The following STEAP3 variants were observed in gnomAD, a reference collection of about 807,000 sequenced individuals.
The protein encoded by STEAP3 is metalloreductase STEAP3.
In STEAP3, 35 loss-of-function variants were observed where a neutral mutation model predicts 34.9. The ratio of observed to expected loss-of-function variants is 1.00; its 90% CI spans 0.76 to 1.33. The LOEUF is 1.33. Ranked by LOEUF, STEAP3 falls within the 40% of genes most tolerant of loss-of-function variation. The pLI is 0.00. For synonymous variants in STEAP3, 281 were observed against 301.6 expected (o/e 0.93, Z 0.71); for missense variants, 652 against 667.6 (o/e 0.98, Z 0.26).
At chr2:119,257,333 G>A (rs1677802337) in intron 5 of STEAP3, 1 of 1,251,002 alleles carries the variant, frequency 8.0e-7, no homozygotes, top group African/African-American at 1.6e-5. Context: ...TGAAGCCAGA[G>A]CCCTCTTGGA....
intron 5 of STEAP3, among the ~76,000 whole-genome samples, chr2:119,261,148 G>A (rs1677929320): frequency 6.6e-6 from 1 of 151,518 alleles, no homozygotes; most frequent in Non-Finnish European, 1.5e-5. Flanking sequence ...AGGAAATGAA[G>A]GGACACACAC....
chr2:119,257,474 T>G, intron 5 of STEAP3: 1 of 1,535,892 alleles, frequency 6.5e-7, no homozygotes. Flanking sequence ...CAACTTCCAG[T>G]GCAGGAAACA....
chr2:119,263,277 G>A lies in STEAP3; in HGVS notation c.1436G>A (p.Ser479Asn). ...ARIRRGWERE[S>N]TIKFTLPTDH... ...ATCCGGAGAGGCTGGGAGAGGGAGA[G>A]CACCATCAAGTTCACGCTGCCCACA... Residue 479 changes from serine (S) to asparagine (N), a missense_variant, in exon 6 of 6, where the codon AGC becomes AAC. Transcript: ENST00000393110. 1.2e-6 allele frequency: 2 copies of A among 1,614,008 alleles called. No homozygotes were observed. The highest frequency in any genetic ancestry group is 1.7e-6 in the Non-Finnish European group (2 of 1,180,014).
chr2:119,231,714 T>C (rs1007902290), intron 2 of STEAP3, among the ~76,000 whole-genome samples: 1 of 152,190 alleles, frequency 6.6e-6, no homozygotes, highest in African/African-American at 2.4e-5. Flanking sequence ...TCAGCCTTCC[T>C]TTTAAAAAGA....
intron 2 of STEAP3, among the ~76,000 whole-genome samples, chr2:119,235,953 C>T (rs1677083788): frequency 6.6e-6 from 1 of 152,188 alleles, no homozygotes; most frequent in Non-Finnish European, 1.5e-5. Flanking sequence ...AGCAGGTCCT[C>T]CTACTCTTCC....
chr2:119,253,438 T>G (rs1302969169), intron 4 of STEAP3, among the ~76,000 whole-genome samples: 1 of 152,188 alleles, frequency 6.6e-6, no homozygotes, highest in Admixed American at 6.5e-5. Context: ...TGGATTCACT[T>G]TTAATATTTT....
rs1678087723 is a variant in STEAP3 at position 119,265,599 on chromosome 2, T to C, written c.*2261T>C. On this transcript the variant is annotated 3_prime_UTR_variant, in exon 6 of 6. Coordinates refer to ENST00000393110, the MANE Select transcript of STEAP3 (RefSeq NM_182915.3). ...CAAAAGAGTCTCTGTTTTTTTTTTTTAACCTGGTAGACAGTATAAAAGCAG... is the reference window on the plus strand; with the variant it reads ...CAAAAGAGTCTCTGTTTTTTTTTTTCAACCTGGTAGACAGTATAAAAGCAG... 6.6e-6 allele frequency: 1 copy of C among 152,118 alleles called. No individual in the cohort carries two copies. Among genetic ancestry groups the C allele is most frequent in the Admixed American group, 6.5e-5 (1 of 15,268 alleles). The allele number at this position is 152,118 out of a possible 1,614,324, so 9.4% of individuals were successfully genotyped here.
In STEAP3 at chr2:119,254,664, T is replaced by C. The variant is rs199641715; in HGVS notation, c.1051-20T>C. ...CAGCCTTTGCCACAGTGTTCATGGT[T>C]TTCCTTCCATCCATGTCAGGTCTTG... On this transcript the variant is annotated intron_variant, in intron 4 of 5. Coordinates refer to ENST00000393110, the MANE Select transcript of STEAP3 (RefSeq NM_182915.3). The C allele has an allele frequency of 2.2e-4, 351 of 1,613,948 alleles. No individual in the cohort carries two copies. In the African/African-American group the frequency reaches 4.1e-3, roughly 19 times the overall value.
intron 2 of STEAP3, among the ~76,000 whole-genome samples, chr2:119,235,145 G>A (rs1458864253): frequency 6.6e-6 from 1 of 152,188 alleles, no homozygotes; most frequent in Non-Finnish European, 1.5e-5. Context: ...CCTGCAGTGG[G>A]CCTAATGACC....
At position 119,230,759 on chromosome 2, in the gene STEAP3, G is replaced by A; in HGVS notation, c.-254G>A. 3.4e-6 allele frequency: 2 copies of A among 585,338 alleles called. No homozygotes were observed. Among genetic ancestry groups the A allele is most frequent in the Non-Finnish European group, 6.2e-6 (2 of 324,808 alleles). 36.3% of individuals were successfully genotyped at this position (585,338 alleles called of 1,614,324 possible). A position where few individuals can be genotyped will look rare whatever the true frequency, so the allele number is the denominator to read the frequency against. On this transcript the variant is annotated 5_prime_UTR_variant, in exon 2 of 6. Coordinates refer to ENST00000393110, the MANE Select transcript of STEAP3 (RefSeq NM_182915.3). ...GAGCAGGAAGCAGCAGGCCAGAGCT[G>A]CGCTCTCTCAGTGCACTCTCCAACC...
At position 119,264,639 on chromosome 2, in the gene STEAP3, C is replaced by A. The variant is rs183139903; in HGVS notation, c.*1301C>A. On this transcript the variant is annotated 3_prime_UTR_variant, in exon 6 of 6. Coordinates refer to ENST00000393110, the MANE Select transcript of STEAP3 (RefSeq NM_182915.3). ...AGGTGTTCTCGGCTGAGCCCCCAAC[C>A]CTCTGCAGAACCAGGTTGATCTGCC... 1 of 152,262 alleles carries A rather than the reference C, an allele frequency of 6.6e-6. No homozygotes were observed. The highest frequency in any genetic ancestry group is 1.5e-5 in the Non-Finnish European group (1 of 68,128). 9.4% of individuals were successfully genotyped at this position (152,262 alleles called of 1,614,324 possible).
At chr2:119,237,780 A>G (rs1677133363) in intron 2 of STEAP3, among the ~76,000 whole-genome samples, 1 of 152,144 alleles carries the variant, frequency 6.6e-6, no homozygotes, top group South Asian at 2.1e-4. Flanking sequence ...TCACCACGCA[A>G]TTCACCCATT....
chr2:119,235,309 A>C (rs1370040834), intron 2 of STEAP3, among the ~76,000 whole-genome samples: 3 of 152,222 alleles, frequency 2.0e-5, no homozygotes, highest in African/African-American at 7.2e-5. Flanking sequence ...GTGACCCTCA[A>C]GATCTAGAGG....
intron 5 of STEAP3, among the ~76,000 whole-genome samples, chr2:119,262,216 A>C (rs909083781): frequency 6.6e-6 from 1 of 152,060 alleles, no homozygotes; most frequent in Admixed American, 6.6e-5. Context: ...AAATCAATCC[A>C]CTTTTTGTCT....
At position 119,265,571 on chromosome 2, in the gene STEAP3, C is replaced by G. The variant is rs1678086464; in HGVS notation, c.*2233C>G. On this transcript the variant is annotated 3_prime_UTR_variant, in exon 6 of 6. Coordinates refer to ENST00000393110, the MANE Select transcript of STEAP3 (RefSeq NM_182915.3). Reference sequence around the variant, plus strand: ...TGAGGTTGATATCTAAAATCTATGCCTTCAAAAGAGTCTCTGTTTTTTTTT... The same window carrying G: ...TGAGGTTGATATCTAAAATCTATGCGTTCAAAAGAGTCTCTGTTTTTTTTT... 6.6e-6 allele frequency: 1 copy of G among 152,262 alleles called. No individual in the cohort carries two copies. The highest frequency in any genetic ancestry group is 6.5e-5 in the Admixed American group (1 of 15,294). 9.4% of individuals were successfully genotyped at this position (152,262 alleles called of 1,614,324 possible).
At chr2:119,262,222 T>G (rs772135471) in intron 5 of STEAP3, among the ~76,000 whole-genome samples, 1 of 152,184 alleles carries the variant, frequency 6.6e-6, no homozygotes, top group Non-Finnish European at 1.5e-5. Flanking sequence ...ATCCACTTTT[T>G]GTCTGATCTT....
Position 119,254,968 on chromosome 2 carries a change from G to A in STEAP3, c.1215+120G>A, listed in dbSNP as rs564697520. The A allele has an allele frequency of 1.8e-5, 23 of 1,280,394 alleles. No homozygotes were observed. In the Admixed American group the frequency reaches 2.6e-4, roughly 15 times the overall value. The allele number at this position is 1,280,394 out of a possible 1,614,324, so 79.3% of individuals were successfully genotyped here. A position where few individuals can be genotyped will look rare whatever the true frequency, so the allele number is the denominator to read the frequency against. The stretch of plus-strand genomic sequence containing the variant: ...GATCATCTGCACAGCAGGACCACTC[G>A]GTGAGATGCCAGGCCTTCCTGACCC... On this transcript the variant is annotated intron_variant, in intron 5 of 5. Transcript: ENST00000393110.
chr2:119,245,597 T>G lies in STEAP3; in HGVS notation c.131T>G (p.Leu44Arg). 1 of 1,608,142 alleles carries G rather than the reference T, an allele frequency of 6.2e-7. No individual in the cohort carries two copies. The highest frequency in any genetic ancestry group is 8.5e-7 in the Non-Finnish European group (1 of 1,175,062). ...GATGAGGCCCCCAAAGTGGGCATCC[T>G]GGGTAGCGGGGACTTTGCCCGCTCC... is the stretch of plus-strand genomic sequence containing the variant. The part of the protein sequence containing the change: ...VPDEAPKVGI[L>R]GSGDFARSLA... Residue 44 changes from leucine to arginine, a missense_variant, in exon 3 of 6, where the codon CTG becomes CGG. Transcript: ENST00000393110.
chr2:119,225,783 C>G (rs1050177300), intron 1 of STEAP3, among the ~76,000 whole-genome samples: 1 of 152,210 alleles, frequency 6.6e-6, no homozygotes, highest in Non-Finnish European at 1.5e-5. Context: ...AGCTCCTTAC[C>G]CCGTAACATG....
Sources: gnomAD v4.1 joint callset for allele counts (sites outside exome capture counted in the v4.1 genomes callset) on GRCh38, gnomAD v4.1.1 for gene constraint, MANE v1.5 for transcripts, NCBI Gene and HGNC (gene_info 2026-07-23, HGNC 2026-07-21) for gene names.